Variants in ENOX1 observed in about 807,000 individuals in gnomAD.
ENOX1 encodes the protein candidate growth-related and time keeping constitutive hydroquinone (NADH) oxidase.
A neutral mutation model predicts 82.5 loss-of-function variants in ENOX1; 42 were observed. That is an observed-to-expected ratio of 0.51 (90% CI 0.40 to 0.66). The LOEUF is 0.66. Among genes scored for constraint, ENOX1 ranks in the 30% least tolerant of loss-of-function variants. The probability of loss-of-function intolerance (pLI) is 0.00; values close to 1 mark genes in which losing one functional copy is unlikely to be tolerated. For synonymous variants in ENOX1, 271 were observed against 282.2 expected, an observed-to-expected ratio of 0.96 and a Z score of 0.40; for missense variants, 608 against 811.6, an observed-to-expected ratio of 0.75 and a Z score of 3.05.
At chr13:43,484,645 T>A (rs1390134449) in intron 2 of ENOX1, among the ~76,000 whole-genome samples, 1 of 152,230 alleles carries the variant, frequency 6.6e-6, no homozygotes, top group Non-Finnish European at 1.5e-5. Context: ...GTACTTTCCC[T>A]CATCTCACTC....
At chr13:43,215,064 C>A (rs1046327521) in intron 16 of ENOX1, among the ~76,000 whole-genome samples, 1 of 152,160 alleles carries the variant, frequency 6.6e-6, no homozygotes, top group African/African-American at 2.4e-5. Flanking sequence ...CAGATATGGG[C>A]ACATAGAAAT....
At chr13:43,284,365 G>T (rs571275807) in intron 12 of ENOX1, among the ~76,000 whole-genome samples, 4 of 152,306 alleles carry the variant, frequency 2.6e-5, no homozygotes, top group African/African-American at 9.6e-5. Flanking sequence ...TGAAAAATGT[G>T]TAACACACTG....
At chr13:43,436,865 T>C (rs529860670) in intron 3 of ENOX1, among the ~76,000 whole-genome samples, 1 of 152,288 alleles carries the variant, frequency 6.6e-6, no homozygotes, top group East Asian at 1.9e-4. Flanking sequence ...TATAACTGGA[T>C]AGTCATAATC....
intron 12 of ENOX1, among the ~76,000 whole-genome samples, chr13:43,296,124 G>A (rs936595100): frequency 3.9e-5 from 6 of 152,154 alleles, no homozygotes; most frequent in Admixed American, 2.6e-4. Flanking sequence ...TGTCTACTAC[G>A]TGTCTGTTAT....
At chr13:43,433,930 C>T (rs562135971) in intron 3 of ENOX1, among the ~76,000 whole-genome samples, 4 of 152,118 alleles carry the variant, frequency 2.6e-5, no homozygotes, top group African/African-American at 4.8e-5. Context: ...AGGACACAGG[C>T]CTGAAGCTAG....
At chr13:43,765,640 T>C (rs959962819) in intron 1 of ENOX1, among the ~76,000 whole-genome samples, 5 of 152,158 alleles carry the variant, frequency 3.3e-5, no homozygotes, top group African/African-American at 1.2e-4. Flanking sequence ...TATTCAGAGC[T>C]GCAGTAACAT....
chr13:43,585,734 C>T lies in ENOX1; in HGVS notation c.-219+81745G>A, dbSNP rs117316036. Among the ~76,000 whole-genome samples, 1,433 of 152,192 alleles carry T rather than the reference C, an allele frequency of 9.4e-3. 12 individuals are homozygous for T. Among genetic ancestry groups the T allele is most frequent in the Middle Eastern group, 0.037 (11 of 294 alleles). ...CTGGGATTACAGGCTCCTGCCACCA[C>T]GCCCCATTAATTTTTTGTATTTTTA... On this transcript the variant is annotated intron_variant, in intron 2 of 16. Transcript: ENST00000690772.
intron 5 of ENOX1, among the ~76,000 whole-genome samples, chr13:43,376,755 C>T (rs1054582351): frequency 2.6e-5 from 4 of 152,172 alleles, no homozygotes; most frequent in African/African-American, 9.7e-5. Context: ...TCCCCTTGGC[C>T]ACCATCTGTC....
intron 5 of ENOX1, among the ~76,000 whole-genome samples, chr13:43,368,752 T>G (rs2051017832): frequency 1.3e-5 from 2 of 152,186 alleles, no homozygotes; most frequent in Non-Finnish European, 2.9e-5. Context: ...AAGCAGGCAA[T>G]GGACACTGGC....
intron 1 of ENOX1, among the ~76,000 whole-genome samples, chr13:43,686,878 C>A (rs555508730): frequency 6.6e-6 from 1 of 152,188 alleles, no homozygotes; most frequent in African/African-American, 2.4e-5. Flanking sequence ...TGGAAAACAG[C>A]ATACTCTCTC....
intron 3 of ENOX1, among the ~76,000 whole-genome samples, chr13:43,466,580 A>G (rs1005516139): frequency 7.9e-5 from 12 of 152,282 alleles, no homozygotes; most frequent in African/African-American, 2.9e-4. Context: ...CTACCAAACA[A>G]CTATCAGAAC....
intron 2 of ENOX1, among the ~76,000 whole-genome samples, chr13:43,664,958 G>A (rs1017574840): frequency 2.6e-5 from 4 of 152,152 alleles, no homozygotes; most frequent in African/African-American, 9.7e-5. Flanking sequence ...TTGGCCATAG[G>A]ACAGCCTGCA....
intron 1 of ENOX1, among the ~76,000 whole-genome samples, chr13:43,741,397 T>C (rs79758730): frequency 0.046 from 7,038 of 152,216 alleles, 223 homozygotes; most frequent in Non-Finnish European, 0.071. Flanking sequence ...CTTTTTATAT[T>C]CTACCAGCAG....
chr13:43,445,353 G>T (rs919897932), intron 3 of ENOX1, among the ~76,000 whole-genome samples: 2 of 152,058 alleles, frequency 1.3e-5, no homozygotes, highest in African/African-American at 2.4e-5. Flanking sequence ...TTGATCTCCT[G>T]ACCTCGTGAT....
intron 2 of ENOX1, among the ~76,000 whole-genome samples, chr13:43,666,187 G>A (rs1426141665): frequency 3.9e-5 from 6 of 151,978 alleles, no homozygotes; most frequent in African/African-American, 1.5e-4. Context: ...AGACTTGCTG[G>A]ATGCAGGGTT....
intron 5 of ENOX1, 92 bp from the exon 6 acceptor site, chr13:43,361,544 A>G: frequency 8.3e-7 from 1 of 1,207,494 alleles, no homozygotes; most frequent in Non-Finnish European, 1.1e-6. Context: ...TTGACTTTAT[A>G]CTTTCTATTT....
chr13:43,288,853 C>G (rs1308410873), intron 12 of ENOX1, among the ~76,000 whole-genome samples: 1 of 151,950 alleles, frequency 6.6e-6, no homozygotes, highest in African/African-American at 2.4e-5. Flanking sequence ...TTCATAATGG[C>G]TCTTAAAATT....
chr13:43,642,368 A>T (rs2083692960), intron 2 of ENOX1, among the ~76,000 whole-genome samples: 1 of 152,208 alleles, frequency 6.6e-6, no homozygotes, highest in Non-Finnish European at 1.5e-5. Flanking sequence ...TGAGTTGGTC[A>T]TTGGTAATAA....
intron 1 of ENOX1, among the ~76,000 whole-genome samples, chr13:43,751,091 A>T (rs1950285326): frequency 6.6e-6 from 1 of 152,062 alleles, no homozygotes; most frequent in Non-Finnish European, 1.5e-5. Flanking sequence ...AGGACCCCAC[A>T]TTCCTCGTAA....
Sources: allele counts gnomAD v4.1 joint callset (sites outside exome capture counted in the v4.1 genomes callset), GRCh38; gene constraint gnomAD v4.1.1; transcripts MANE v1.5; gene names NCBI Gene and HGNC (gene_info 2026-07-23, HGNC 2026-07-21).